SIDT2: variants seen among roughly 807,000 people sequenced by gnomAD.
The protein encoded by SIDT2 is SID1 transmembrane family member 2.
A neutral mutation model predicts 114.4 loss-of-function variants in SIDT2; 68 were observed. That is an observed-to-expected ratio of 0.59 (90% CI 0.49 to 0.73). SIDT2 has a LOEUF of 0.73. SIDT2 is among the 30% of genes least tolerant of loss of function. The probability of loss-of-function intolerance (pLI) is 0.00; values close to 1 mark genes in which losing one functional copy is unlikely to be tolerated. For synonymous variants in SIDT2, 470 were observed against 438.4 expected (o/e 1.07, Z -0.90); for missense variants, 918 against 1,097.1 (o/e 0.84, Z 2.31).
chr11:117,190,736 G>A lies in SIDT2; in HGVS notation c.1731G>A (p.Gln577=), dbSNP rs759660362. Reference sequence around the variant, plus strand: ...TGTGCCCCAACTATACCAATTTCCAGTTTGGTGAGTGGGGCGTCCTTCTTT... The same window carrying A: ...TGTGCCCCAACTATACCAATTTCCAATTTGGTGAGTGGGGCGTCCTTCTTT... ...YHVCPNYTNF[Q]FDTSFMYMIA... The change falls in exon 18 of 26, where the codon CAG becomes CAA. Residue 577 remains glutamine, a synonymous_variant. Transcript: ENST00000324225. The surrounding 1 kb of genome is among the most constrained non-coding windows in gnomAD (Gnocchi z 4.1). The A allele has an allele frequency of 4.3e-6, 7 of 1,612,172 alleles. No homozygotes were observed. In the Admixed American group the frequency reaches 1.2e-4, roughly 27 times the overall value.
chr11:117,186,086 G>A (rs1167926978), intron 8 of SIDT2, 44 bp from the exon 9 acceptor site: 7 of 1,545,176 alleles, frequency 4.5e-6, no homozygotes, highest in East Asian at 2.2e-5. Flanking sequence ...ATGGGAGGTG[G>A]TGGAAGGTTT....
intron 18 of SIDT2, 90 bp from the exon 19 acceptor site, chr11:117,191,788 C>G: frequency 6.5e-7 from 1 of 1,543,466 alleles, no homozygotes; most frequent in East Asian, 2.3e-5. Flanking sequence ...CACCAGGGCT[C>G]TCTCTTCCTC....
intron 2 of SIDT2, 108 bp from the exon 3 acceptor site, chr11:117,181,699 G>T: frequency 6.4e-7 from 1 of 1,570,944 alleles, no homozygotes; most frequent in Non-Finnish European, 8.7e-7. Flanking sequence ...TGTGCACCTC[G>T]CAGGGAGGTG....
rs756203010 is a variant in SIDT2, at chr11:117,184,061, A to G, written c.803-13A>G. 1.2e-6 allele frequency: 2 copies of G among 1,614,040 alleles called. No individual in the cohort carries two copies. Among genetic ancestry groups the G allele is most frequent in the East Asian group, 4.5e-5 (2 of 44,868 alleles). On this transcript the variant is annotated splice_polypyrimidine_tract_variant and intron_variant, in intron 7 of 25. Transcript: ENST00000324225. ...CAGGCAACTAGTTTACCACTTTGAC[A>G]TTTTACTTCCAGATGAACCGGTCGA...
intron 4 of SIDT2, 22 bp from the exon 5 acceptor site, chr11:117,182,497 C>T (rs748526777): frequency 6.9e-6 from 11 of 1,605,018 alleles, no homozygotes; most frequent in Admixed American, 5.0e-5. Flanking sequence ...ATGGGGCTCT[C>T]CCTTCCTTCC....
In SIDT2 at chr11:117,188,219, G is replaced by T; in HGVS notation, c.1160-489G>T. On this transcript the variant is annotated intron_variant, in intron 12 of 25. Transcript: ENST00000324225. The surrounding 1 kb of genome is among the most constrained non-coding windows in gnomAD (Gnocchi z 4.0). The stretch of plus-strand genomic sequence containing the variant: ...TCACTCCCTGGCCTGCTTGGGGAGG[G>T]CTCACAGGCATGGGGGTCACATTCT... 2.8e-6 allele frequency: 1 copy of T among 352,058 alleles called. No homozygotes were observed. Among genetic ancestry groups the T allele is most frequent in the Non-Finnish European group, 5.6e-6 (1 of 180,100 alleles). The allele number at this position is 352,058 out of a possible 1,614,324, so 21.8% of individuals were successfully genotyped here.
Position 117,188,684 on chromosome 11 carries a change from C to T in SIDT2, c.1160-24C>T. ...GTGGGTTTTGTGTCCACCGGTGCAA[C>T]CCCTCCCTCCCTGCCCTTTCCAGGC... On this transcript the variant is annotated intron_variant, in intron 12 of 25. Transcript: ENST00000324225. This position sits in a 1 kb window ranked among gnomAD's most constrained non-coding sequence, Gnocchi z 4.0. 6.3e-7 allele frequency: 1 copy of T among 1,585,944 alleles called. No individual in the cohort carries two copies. The highest frequency in any genetic ancestry group is 8.7e-7 in the Non-Finnish European group (1 of 1,154,404).
In SIDT2 at chr11:117,192,932, G is replaced by A. The variant is rs926969996; in HGVS notation, c.2105+66G>A. 11 of 1,595,466 alleles carry A rather than the reference G, an allele frequency of 6.9e-6. No homozygotes were observed. Among genetic ancestry groups the A allele is most frequent in the Non-Finnish European group, 9.5e-6 (11 of 1,163,308 alleles). On this transcript the variant is annotated intron_variant, in intron 22 of 25. Coordinates refer to ENST00000324225, the MANE Select transcript of SIDT2 (RefSeq NM_001040455.2). The surrounding 1 kb of genome is among the most constrained non-coding windows in gnomAD (Gnocchi z 5.9). ...CTGGGGACTCGGTCAGCCACTGGCT[G>A]CCTTGGGGGCTAAGGACAACTTCCA...
In SIDT2 at chr11:117,189,761, TGA is replaced by T. The variant is rs375568683; in HGVS notation, c.1420-187_1420-186del. ...CCTCAGGGTTTTCAGCCACGCCTAA[TGA>T]GAGGGGACAGCGACTGTGCTGCATG... On this transcript the variant is annotated intron_variant, in intron 15 of 25. Coordinates refer to ENST00000324225, the MANE Select transcript of SIDT2 (RefSeq NM_001040455.2). 387 of 619,316 alleles carry T rather than the reference TGA, an allele frequency of 6.2e-4. 1 individual carries two copies. The highest frequency in any genetic ancestry group is 5.2e-3 in the African/African-American group (268 of 51,644). 38.4% of individuals were successfully genotyped at this position (619,316 alleles called of 1,614,324 possible).
chr11:117,186,521 G>A, intron 9 of SIDT2, 63 bp from the exon 10 acceptor site: 1 of 1,453,706 alleles, frequency 6.9e-7, no homozygotes, highest in Non-Finnish European at 9.3e-7. Flanking sequence ...AGGAAAGTCA[G>A]CCCCATACAG....
At chr11:117,191,643 GT>G in intron 18 of SIDT2, 1 of 577,222 alleles carries the variant, frequency 1.7e-6, no homozygotes, top group South Asian at 2.1e-5. Context: ...CACAGACCAA[GT>G]TGTCCCTGTT....
At chr11:117,186,105 C>A (rs370856871) in intron 8 of SIDT2, 25 bp from the exon 9 acceptor site, 4 of 1,605,654 alleles carry the variant, frequency 2.5e-6, no homozygotes, top group Non-Finnish European at 3.4e-6. Context: ...TTTGACCTGT[C>A]CACCTTCCTG....
At chr11:117,193,811 G>A (rs1455952464) in intron 23 of SIDT2, 42 bp from the exon 24 acceptor site, 1 of 1,467,886 alleles carries the variant, frequency 6.8e-7, no homozygotes, top group East Asian at 2.3e-5. Flanking sequence ...GGTGGGACAG[G>A]GGTAAGCCCT....
intron 1 of SIDT2, among the ~76,000 whole-genome samples, chr11:117,180,597 G>C (rs1030510756): frequency 2.9e-5 from 3 of 104,728 alleles, no homozygotes; most frequent in Non-Finnish European, 5.3e-5. Flanking sequence ...GTGCAGTTTT[G>C]TGATCTCAGC....
In SIDT2 at chr11:117,191,946, A is replaced by G; in HGVS notation, c.1804A>G (p.Ile602Val). 2 of 1,614,118 alleles carry G rather than the reference A, an allele frequency of 1.2e-6. No individual in the cohort carries two copies. The highest frequency in any genetic ancestry group is 1.7e-6 in the Non-Finnish European group (2 of 1,180,022). Residue 602 changes from isoleucine (I) to valine (V), a missense_variant, in exon 19 of 26, where the codon ATC becomes GTC. Ile to Val is a conservative substitution (Grantham distance 29). Coordinates refer to ENST00000324225, the MANE Select transcript of SIDT2 (RefSeq NM_001040455.2). ...GCTCTACCAGAAGCGGCACCCGGAC[A>G]TCAACGCCAGCGCCTACAGTGCCTA... ...LKLYQKRHPD[I>V]NASAYSAYAC...
In SIDT2 at chr11:117,192,928, G is replaced by T. The variant is rs1306199140; in HGVS notation, c.2105+62G>T. On this transcript the variant is annotated intron_variant, in intron 22 of 25. Transcript: ENST00000324225. This position sits in a 1 kb window ranked among gnomAD's most constrained non-coding sequence, Gnocchi z 5.9. ...ACAGCTGGGGACTCGGTCAGCCACT[G>T]GCTGCCTTGGGGGCTAAGGACAACT... is the stretch of plus-strand genomic sequence containing the variant. 99 of 1,600,458 alleles carry T rather than the reference G, an allele frequency of 6.2e-5. No individual in the cohort carries two copies. Among genetic ancestry groups the T allele is most frequent in the Non-Finnish European group, 8.3e-5 (97 of 1,167,828 alleles).
Position 117,184,075 on chromosome 11 carries a change from T to C in SIDT2, c.804T>C (p.Asp268=). 4 of 1,614,184 alleles carry C rather than the reference T, an allele frequency of 2.5e-6. No homozygotes were observed. The highest frequency in any genetic ancestry group is 3.4e-6 in the Non-Finnish European group (4 of 1,180,038). Residue 268 remains aspartate, a splice_region_variant and synonymous_variant, in exon 8 of 26, where the codon GAT becomes GAC. Transcript: ENST00000324225. ...GSLPFYPFAE[D]EPVDQGHRQK... ...ACCACTTTGACATTTTACTTCCAGA[T>C]GAACCGGTCGATCAAGGGCACCGCC...
chr11:117,187,420 C>G lies in SIDT2; in HGVS notation c.1058C>G (p.Pro353Arg), dbSNP rs764534246. The G allele has an allele frequency of 2.5e-6, 4 of 1,614,088 alleles. No individual in the cohort carries two copies. Among genetic ancestry groups the G allele is most frequent in the Non-Finnish European group, 3.4e-6 (4 of 1,180,002 alleles). The change falls in exon 11 of 26, where the codon CCT becomes CGT. Residue 353 changes from proline (P) to arginine (R), a missense_variant. This residue lies in a region of SIDT2 where 553 missense variants were observed against 600.1 expected (regional missense o/e 0.92). Coordinates refer to ENST00000324225, the MANE Select transcript of SIDT2 (RefSeq NM_001040455.2). ...GCTGATTCTTTTCCTGGCAGTTCCC[C>G]TTATGAGGGTTACAACTATGGCTCC... Reference protein sequence around the residue: ...VLADSFPGSSPYEGYNYGSFE... With the variant: ...VLADSFPGSSRYEGYNYGSFE...
Position 117,179,038 on chromosome 11 carries a change from C to T in SIDT2, c.-226C>T. The T allele has an allele frequency of 5.3e-6, 3 of 571,296 alleles. No individual in the cohort carries two copies. Among genetic ancestry groups the T allele is most frequent in the Non-Finnish European group, 9.3e-6 (3 of 323,468 alleles). 35.4% of individuals were successfully genotyped at this position (571,296 alleles called of 1,614,324 possible). A position where few individuals can be genotyped will look rare whatever the true frequency, so the allele number is the denominator to read the frequency against. On this transcript the variant is annotated 5_prime_UTR_variant, in exon 1 of 26. Transcript: ENST00000324225. ...GACCCCTTCCCGTAGCCAGCATCCC[C>T]TCCCTCCCCGCCCCCTCCCGGCCGC...
Sources: gnomAD v4.1 joint callset for allele counts (sites outside exome capture counted in the v4.1 genomes callset) on GRCh38, gnomAD v4.1.1 for gene constraint, gnomAD v4.1.1 regional missense constraint, Gnocchi (gnomAD v3.1) non-coding constraint, MANE v1.5 for transcripts, NCBI Gene and HGNC (gene_info 2026-07-23, HGNC 2026-07-21) for gene names.